Variants in HNRNPA2B1 observed in about 807,000 individuals in gnomAD.
HNRNPA2B1 encodes the protein heterogeneous nuclear ribonucleoprotein A2/B1.
A neutral mutation model predicts 46.3 loss-of-function variants in HNRNPA2B1; 3 were observed. The observed-to-expected ratio is 0.06, with a 90% CI of 0.03 to 0.17. The LOEUF (loss-of-function observed/expected upper bound fraction) is 0.17, where lower values mean the gene tolerates loss of function less well. HNRNPA2B1 is among the 10% of genes least tolerant of loss of function. HNRNPA2B1 has a pLI of 1.00. For missense variants in HNRNPA2B1, 221 were observed against 418.9 expected (o/e 0.53, Z 4.12); for synonymous variants, 225 against 133.8 (o/e 1.68, Z -4.70).
intron 7 of HNRNPA2B1, among the ~76,000 whole-genome samples, chr7:26,193,911 A>G (rs887322400): frequency 3.1e-4 from 47 of 152,234 alleles, no homozygotes; most frequent in Non-Finnish European, 3.2e-4. Flanking sequence ...ACAGTTAAAT[A>G]CCTGTAATTC....
At chr7:26,200,326 C>A (rs541861090) in intron 1 of HNRNPA2B1, 34 of 567,298 alleles carry the variant, frequency 6.0e-5, no homozygotes, top group Non-Finnish European at 9.5e-6. Flanking sequence ...CAGCGTCCGC[C>A]ATGTGAAAGC....
Position 26,200,735 on chromosome 7 carries a change from G to T in HNRNPA2B1, c.-158C>A, listed in dbSNP as rs201165333. 3.7e-4 allele frequency: 334 copies of T among 902,764 alleles called. 3 individuals carry two copies. In the South Asian group the frequency reaches 4.3e-3, roughly 12 times the overall value. The allele number at this position is 902,764 out of a possible 1,614,324, so 55.9% of individuals were successfully genotyped here. A position where few individuals can be genotyped will look rare whatever the true frequency, so the allele number is the denominator to read the frequency against. ...GGAGCACCTCCGCACGGGACCCGGC[G>T]CTGCTGCTACTGCCGCTAGAGCCGC... On this transcript the variant is annotated 5_prime_UTR_variant, in exon 1 of 11. Transcript: ENST00000618183.
intron 10 of HNRNPA2B1, 34 bp downstream of exon 10, chr7:26,192,461 A>AT (rs1333081773): frequency 3.9e-5 from 55 of 1,402,016 alleles, no homozygotes; most frequent in Non-Finnish European, 5.3e-5. Context: ...GTCTCCCAAG[A>AT]TAATAATAAT....
chr7:26,189,940 G>A lies in HNRNPA2B1; in HGVS notation c.*2420C>T, dbSNP rs190065646. The A allele has an allele frequency of 2.0e-5, 3 of 152,140 alleles. No individual in the cohort carries two copies. The East Asian group carries it at 5.8e-4, about 29-fold the overall frequency. 9.4% of individuals were successfully genotyped at this position (152,140 alleles called of 1,614,324 possible). ...AAACGCTGAATATACAGTGCATAAT[G>A]AACAGCATTTTATTGGGGACAGCCA... On this transcript the variant is annotated 3_prime_UTR_variant, in exon 11 of 11. Transcript: ENST00000618183.
At chr7:26,195,697 A>G (rs1353680000) in intron 7 of HNRNPA2B1, 150 bp downstream of exon 7, 3 of 797,224 alleles carry the variant, frequency 3.8e-6, no homozygotes, top group Admixed American at 3.3e-5. Context: ...AGATGGCAAA[A>G]CTACTTAGAA....
In HNRNPA2B1 at chr7:26,190,082, GAAC is replaced by G. The variant is rs1313546959; in HGVS notation, c.*2275_*2277del. ...TCTTTTAGACAACCAAATATTTATA[GAAC>G]AAGATTCACACATTTTATGTGTAAA... is the stretch of plus-strand genomic sequence containing the variant. On this transcript the variant is annotated 3_prime_UTR_variant, in exon 11 of 11. Coordinates refer to ENST00000618183, the MANE Select transcript of HNRNPA2B1 (RefSeq NM_002137.4). 6.6e-6 allele frequency: 1 copy of G among 152,526 alleles called. No homozygotes were observed. Among genetic ancestry groups the G allele is most frequent in the Non-Finnish European group, 1.5e-5 (1 of 67,996 alleles). The allele number at this position is 152,526 out of a possible 1,614,324, so 9.4% of individuals were successfully genotyped here.
chr7:26,197,516 A>T, intron 2 of HNRNPA2B1, 55 bp from the exon 3 acceptor site: 1 of 1,591,756 alleles, frequency 6.3e-7, no homozygotes, highest in Non-Finnish European at 8.6e-7. Context: ...CTTATAAGTG[A>T]AGTCATAATA....
chr7:26,199,081 CTTAA>C (rs1334630842), intron 1 of HNRNPA2B1: 1 of 152,244 alleles, frequency 6.6e-6, no homozygotes, highest in Non-Finnish European at 1.5e-5. Flanking sequence ...AGTTTTTATT[CTTAA>C]TTGTCGTCAG....
chr7:26,190,361 C>G lies in HNRNPA2B1; in HGVS notation c.*1999G>C, dbSNP rs890387516. On this transcript the variant is annotated 3_prime_UTR_variant, in exon 11 of 11. Transcript: ENST00000618183. ...TTAAAGAGTGCTTTTTAAATGAAGG[C>G]ACCAACAAGAACTACTTTCAGATGG... is the stretch of plus-strand genomic sequence containing the variant. 1 of 152,524 alleles carries G rather than the reference C, an allele frequency of 6.6e-6. No homozygotes were observed. Among genetic ancestry groups the G allele is most frequent in the Non-Finnish European group, 1.5e-5 (1 of 68,012 alleles). The allele number at this position is 152,524 out of a possible 1,614,324, so 9.4% of individuals were successfully genotyped here.
intron 9 of HNRNPA2B1, among the ~76,000 whole-genome samples, chr7:26,192,988 G>C (rs555390453): frequency 6.6e-6 from 1 of 152,262 alleles, no homozygotes; most frequent in African/African-American, 2.4e-5. Flanking sequence ...GGTTGCAACT[G>C]TATTTAGCTG....
intron 4 of HNRNPA2B1, 30 bp downstream of exon 4, chr7:26,196,777 A>G: frequency 6.3e-7 from 1 of 1,597,654 alleles, no homozygotes; most frequent in Non-Finnish European, 8.6e-7. Context: ...ACACTGGAAA[A>G]AAACAGTACA....
intron 7 of HNRNPA2B1, 195 bp downstream of exon 7, chr7:26,195,652 A>T: frequency 1.8e-6 from 1 of 562,364 alleles, no homozygotes; most frequent in Non-Finnish European, 3.1e-6. Context: ...ATTTTCATTT[A>T]AAATGGCACT....
intron 6 of HNRNPA2B1, 86 bp downstream of exon 6, chr7:26,196,315 G>A (rs879891037): frequency 2.1e-5 from 23 of 1,102,898 alleles, no homozygotes; most frequent in Non-Finnish European, 2.9e-5. Flanking sequence ...ACTTAGGTTG[G>A]ATTTCTTGAT....
At position 26,192,489 on chromosome 7, in the gene HNRNPA2B1, ACT is replaced by A; in HGVS notation, c.*21+4_*21+5del. The A allele has an allele frequency of 6.3e-7, 1 of 1,585,808 alleles. No individual in the cohort carries two copies. The highest frequency in any genetic ancestry group is 8.7e-7 in the Non-Finnish European group (1 of 1,154,300). ...ATAATAATTGTAAAACTCAAAAGCTACTTACCCATGGCAAATAGGAAGAAGCT... is the reference window on the plus strand; with the variant it reads ...ATAATAATTGTAAAACTCAAAAGCTATACCCATGGCAAATAGGAAGAAGCT... On this transcript the variant is annotated splice_donor_5th_base_variant and intron_variant, in intron 10 of 10. Transcript: ENST00000618183.
chr7:26,200,467 C>G (rs2128132669), intron 1 of HNRNPA2B1, 105 bp downstream of exon 1: 1 of 1,166,182 alleles, frequency 8.6e-7, no homozygotes, highest in Non-Finnish European at 1.3e-6. Context: ...TGAATTGGTC[C>G]GATTTCCTGC....
At position 26,196,471 on chromosome 7, in the gene HNRNPA2B1, G is replaced by C. The variant is rs1562713453; in HGVS notation, c.588C>G (p.Gly196=). Residue 196 remains glycine (G), a synonymous_variant, in exon 6 of 11, where the codon GGC becomes GGG. Coordinates refer to ENST00000618183, the MANE Select transcript of HNRNPA2B1 (RefSeq NM_002137.4). The stretch of plus-strand genomic sequence containing the variant: ...CACCGCCACCACGTGAATCCCCAAA[G>C]CCAAAGTTGCCTACAATAAATGCCC... ...SSRSGRGGNF[G]FGDSRGGGGN... The C allele has an allele frequency of 6.2e-7, 1 of 1,614,074 alleles. No individual in the cohort carries two copies. The highest frequency in any genetic ancestry group is 1.7e-5 in the Admixed American group (1 of 60,018).
chr7:26,196,349 A>G (rs1322862252), intron 6 of HNRNPA2B1, 52 bp downstream of exon 6: 2 of 1,419,978 alleles, frequency 1.4e-6, no homozygotes, highest in East Asian at 2.3e-5. Flanking sequence ...ACCTAATCAT[A>G]TTTAAAATAA....
At chr7:26,196,063 C>CAT (rs1410189496) in intron 6 of HNRNPA2B1, among the ~76,000 whole-genome samples, 154 bp from the exon 7 acceptor site, 5 of 152,184 alleles carry the variant, frequency 3.3e-5, no homozygotes, top group African/African-American at 1.2e-4. Context: ...AACATGAAAG[C>CAT]ATATAATTAA....
At chr7:26,197,256 G>C in intron 3 of HNRNPA2B1, 59 bp downstream of exon 3, 1 of 1,517,652 alleles carries the variant, frequency 6.6e-7, no homozygotes, top group South Asian at 1.3e-5. Context: ...AATAGTTTCT[G>C]ATTTTCAGCA....
Sources: gnomAD v4.1 joint callset for allele counts (sites outside exome capture counted in the v4.1 genomes callset) on GRCh38, gnomAD v4.1.1 for gene constraint, MANE v1.5 for transcripts, NCBI Gene and HGNC (gene_info 2026-07-23, HGNC 2026-07-21) for gene names.